The following SLC24A2 variants were observed in gnomAD, a reference collection of about 807,000 sequenced individuals.
SLC24A2 encodes the protein solute carrier family 24 member 2.
A neutral mutation model predicts 62.0 loss-of-function variants in SLC24A2; 36 were observed. That is an observed-to-expected ratio of 0.58 (90% confidence interval 0.44 to 0.77). The LOEUF (loss-of-function observed/expected upper bound fraction) is 0.77, where lower values mean the gene tolerates loss of function less well. Among genes scored for constraint, SLC24A2 ranks in the 30% least tolerant of loss-of-function variants. SLC24A2 has a pLI of 0.00. For missense variants in SLC24A2, 846 were observed against 817.9 expected, an observed-to-expected ratio of 1.03 and a Z score of -0.42; for synonymous variants, 358 against 294.0, an observed-to-expected ratio of 1.22 and a Z score of -2.23.
chr9:19,953,292 T>C, the SLC24A2 span, among the ~76,000 whole-genome samples: 1 of 152,030 alleles, frequency 6.6e-6, no homozygotes, highest in South Asian at 2.1e-4. Flanking sequence ...TAAGTGAGAA[T>C]TGATCTTAGA....
At chr9:19,869,187 C>T in the SLC24A2 span, among the ~76,000 whole-genome samples, 23 of 152,088 alleles carry the variant, frequency 1.5e-4, no homozygotes, top group African/African-American at 5.6e-4. Context: ...CCCTATGTTA[C>T]CTAGGCTGAT....
the SLC24A2 span, among the ~76,000 whole-genome samples, chr9:20,005,766 G>A: frequency 1.3e-5 from 2 of 151,448 alleles, no homozygotes; most frequent in Admixed American, 1.3e-4. Context: ...GAAGCCAAAG[G>A]CCAGTGATTT....
At chr9:19,898,691 G>T in the SLC24A2 span, among the ~76,000 whole-genome samples, 2 of 144,932 alleles carry the variant, frequency 1.4e-5, no homozygotes, top group Non-Finnish European at 3.0e-5. Flanking sequence ...GCCGTGAGCT[G>T]AGATCGTGCC....
At chr9:20,141,200 T>C in the SLC24A2 span, among the ~76,000 whole-genome samples, 1 of 152,134 alleles carries the variant, frequency 6.6e-6, no homozygotes, top group Non-Finnish European at 1.5e-5. Flanking sequence ...TAAGAATGAA[T>C]ACAGCACTTG....
the SLC24A2 span, among the ~76,000 whole-genome samples, chr9:20,053,124 G>C: frequency 1.3e-5 from 2 of 152,156 alleles, no homozygotes; most frequent in Non-Finnish European, 2.9e-5. Context: ...TAATATTCTA[G>C]TTAGTAATGA....
the SLC24A2 span, among the ~76,000 whole-genome samples, chr9:19,984,988 C>A: frequency 6.7e-6 from 1 of 148,904 alleles, no homozygotes. Flanking sequence ...AAGACATCAA[C>A]ATGGTGAAAT....
chr9:20,292,001 G>A, the SLC24A2 span, among the ~76,000 whole-genome samples: 6 of 152,144 alleles, frequency 3.9e-5, no homozygotes, highest in East Asian at 7.7e-4. Flanking sequence ...AAGGGTGTCA[G>A]GTGGAAAATT....
In SLC24A2 at chr9:19,520,918, C is replaced by G; in HGVS notation, c.1712G>C (p.Ser571Thr). ...GDMAVSSSVG[S>T]NIFDITVGLP... ...CCCTACAGTGATGTCAAAAATGTTG[C>G]TTCCAACAGAGCTGGACACAGCCAT... The change falls in exon 10 of 11, where the codon AGC becomes ACC. Residue 571 changes from serine (S) to threonine (T), a missense_variant. Coordinates refer to ENST00000341998, the MANE Select transcript of SLC24A2 (RefSeq NM_020344.4). The G allele has an allele frequency of 6.2e-7, 1 of 1,614,018 alleles. No individual in the cohort carries two copies. Among genetic ancestry groups the G allele is most frequent in the Non-Finnish European group, 8.5e-7 (1 of 1,179,960 alleles).
At chr9:19,992,258 G>C in the SLC24A2 span, among the ~76,000 whole-genome samples, 2 of 152,202 alleles carry the variant, frequency 1.3e-5, no homozygotes, top group Non-Finnish European at 2.9e-5. Flanking sequence ...TGAGGCTCAA[G>C]AGGAATACCT....
the SLC24A2 span, among the ~76,000 whole-genome samples, chr9:20,260,459 C>G: frequency 3.3e-5 from 5 of 152,102 alleles, no homozygotes; most frequent in Admixed American, 3.3e-4. Context: ...TGTAGAGAAC[C>G]TTTTGTAACA....
the SLC24A2 span, among the ~76,000 whole-genome samples, chr9:20,097,766 G>A: frequency 6.9e-5 from 6 of 86,624 alleles, no homozygotes; most frequent in South Asian, 4.7e-4. Flanking sequence ...TTTTTGAGAC[G>A]GAGTCTTGCT....
chr9:19,588,221 A>G (rs1185125050), intron 5 of SLC24A2, among the ~76,000 whole-genome samples: 2 of 149,974 alleles, frequency 1.3e-5, no homozygotes, highest in Non-Finnish European at 3.0e-5. Context: ...CTTACAGAGA[A>G]CATCTATTCA....
chr9:19,567,847 C>G (rs1418146004), intron 7 of SLC24A2, among the ~76,000 whole-genome samples: 6 of 152,112 alleles, frequency 3.9e-5, no homozygotes, highest in Admixed American at 3.9e-4. Flanking sequence ...CTTGGTTCCA[C>G]AGAATATACA....
At chr9:19,918,153 T>C in the SLC24A2 span, among the ~76,000 whole-genome samples, 1 of 151,674 alleles carries the variant, frequency 6.6e-6, no homozygotes, top group Non-Finnish European at 1.5e-5. Context: ...TGTGTGTGTG[T>C]GTGTGTGTGT....
chr9:20,290,076 G>A, the SLC24A2 span, among the ~76,000 whole-genome samples: 7 of 152,004 alleles, frequency 4.6e-5, no homozygotes, highest in African/African-American at 1.2e-4. Context: ...AGGTCTCTTC[G>A]CCCTGCACCC....
chr9:20,229,568 A>G, the SLC24A2 span, among the ~76,000 whole-genome samples: 4 of 152,102 alleles, frequency 2.6e-5, no homozygotes, highest in South Asian at 4.2e-4. Context: ...GGGGATACAA[A>G]AAGTAACATT....
chr9:19,537,143 G>A (rs1233619704), intron 8 of SLC24A2, among the ~76,000 whole-genome samples: 1 of 150,588 alleles, frequency 6.6e-6, no homozygotes, highest in African/African-American at 2.5e-5. Context: ...TTTCTCCCAT[G>A]TTGTAGGTTG....
At chr9:19,755,801 C>T (rs58157351) in intron 2 of SLC24A2, among the ~76,000 whole-genome samples, 8,667 of 152,226 alleles carry the variant, frequency 0.057, 308 homozygotes, top group East Asian at 0.099. Flanking sequence ...AATTCCTAAT[C>T]GTAAATTAAT....
At chr9:19,849,498 A>G in the SLC24A2 span, among the ~76,000 whole-genome samples, 1,224 of 152,308 alleles carry the variant, frequency 8.0e-3, 25 homozygotes, top group African/African-American at 0.028. Flanking sequence ...ATGAAAAGAC[A>G]TTGTACTACT....
Sources: allele counts gnomAD v4.1 joint callset (sites outside exome capture counted in the v4.1 genomes callset), GRCh38; gene constraint gnomAD v4.1.1; transcripts MANE v1.5; gene names NCBI Gene and HGNC (gene_info 2026-07-23, HGNC 2026-07-21).